Variants in OGDH observed in about 807,000 individuals in gnomAD.
OGDH encodes the protein oxoglutarate dehydrogenase.
A neutral mutation model predicts 116.6 loss-of-function variants in OGDH; 38 were observed. The observed-to-expected ratio is 0.33, with a 90% confidence interval of 0.25 to 0.43. The LOEUF is 0.43. OGDH is among the 20% of genes least tolerant of loss of function. OGDH has a pLI of 1.00. For synonymous variants in OGDH, 488 were observed against 533.3 expected (o/e 0.92, Z 1.17); for missense variants, 825 against 1,357.2 (o/e 0.61, Z 6.16).
intron 4 of OGDH, among the ~76,000 whole-genome samples, chr7:44,658,338 C>A (rs550264479): frequency 2.0e-5 from 3 of 151,824 alleles, no homozygotes; most frequent in Non-Finnish European, 4.4e-5. Context: ...TTACACTTAA[C>A]TATTATTTTC....
chr7:44,693,842 C>T lies in OGDH; in HGVS notation c.1353C>T (p.Asp451=), dbSNP rs1788467604. 1 of 1,598,674 alleles carries T rather than the reference C, an allele frequency of 6.3e-7. No homozygotes were observed. ...CCTTGCAGATCGGCTTCACCACCGA[C>T]CCTCGGATGGCCCGCTCCTCCCCCT... ...VVNNQIGFTT[D]PRMARSSPYP... is the part of the protein sequence containing the mutation. Residue 451 remains aspartate, a synonymous_variant, in exon 11 of 23, where the codon GAC becomes GAT. Transcript: ENST00000222673.
At chr7:44,622,101 ATTG>A (rs1348943711) in intron 1 of OGDH, among the ~76,000 whole-genome samples, 5 of 152,148 alleles carry the variant, frequency 3.3e-5, no homozygotes, top group Admixed American at 3.3e-4. Flanking sequence ...AGGTGATGCT[ATTG>A]TTTTCTGGGA....
intron 9 of OGDH, among the ~76,000 whole-genome samples, chr7:44,681,323 TGAG>T (rs967866954): frequency 1.8e-4 from 27 of 152,164 alleles, no homozygotes; most frequent in African/African-American, 6.3e-4. Flanking sequence ...ACAAGAAGGA[TGAG>T]GAGCTGCTCC....
intron 5 of OGDH, among the ~76,000 whole-genome samples, chr7:44,672,754 T>C (rs931010238): frequency 6.6e-6 from 1 of 151,086 alleles, no homozygotes; most frequent in Non-Finnish European, 1.5e-5. Flanking sequence ...GCGATTCTCC[T>C]GCGTCAGCCT....
chr7:44,681,227 C>T (rs138020412), intron 9 of OGDH, among the ~76,000 whole-genome samples: 1 of 152,350 alleles, frequency 6.6e-6, no homozygotes, highest in East Asian at 1.9e-4. Context: ...TAGCAGACAG[C>T]AGCCTCCCAG....
At chr7:44,641,717 A>G (rs771196707) in intron 2 of OGDH, among the ~76,000 whole-genome samples, 2 of 152,214 alleles carry the variant, frequency 1.3e-5, no homozygotes, top group Non-Finnish European at 2.9e-5. Context: ...TGCTTTCACA[A>G]TGAAGATGGA....
At chr7:44,706,419 T>C (rs1327164463) in intron 20 of OGDH, among the ~76,000 whole-genome samples, 35 of 151,122 alleles carry the variant, frequency 2.3e-4, no homozygotes, top group Non-Finnish European at 4.4e-4. Context: ...CCTCCCGGGT[T>C]CAAGCAATTC....
At chr7:44,609,140 C>G (rs1367962201) in intron 1 of OGDH, among the ~76,000 whole-genome samples, 1 of 152,048 alleles carries the variant, frequency 6.6e-6, no homozygotes, top group African/African-American at 2.4e-5. Context: ...ATTCATAGAG[C>G]CTTTTGGGAT....
chr7:44,640,095 A>G (rs1002287087), intron 2 of OGDH, among the ~76,000 whole-genome samples: 2 of 152,188 alleles, frequency 1.3e-5, no homozygotes, highest in Non-Finnish European at 2.9e-5. Context: ...GCTCAGGACC[A>G]GAGAGCTGAC....
chr7:44,641,064 T>C (rs992691994), intron 2 of OGDH, among the ~76,000 whole-genome samples: 13 of 150,740 alleles, frequency 8.6e-5, no homozygotes, highest in African/African-American at 2.9e-4. Flanking sequence ...CAGCTAATTT[T>C]TGTATTTTTT....
intron 9 of OGDH, among the ~76,000 whole-genome samples, chr7:44,678,535 A>G (rs1787796109): frequency 6.6e-6 from 1 of 152,240 alleles, no homozygotes; most frequent in South Asian, 2.1e-4. Context: ...GAGGCTGGTT[A>G]GTCCCTGATT....
chr7:44,657,548 A>G (rs1347469732), intron 4 of OGDH, among the ~76,000 whole-genome samples: 4 of 152,198 alleles, frequency 2.6e-5, no homozygotes. Flanking sequence ...TCTTTGGCTA[A>G]TAGGATCTTT....
intron 9 of OGDH, among the ~76,000 whole-genome samples, chr7:44,680,047 C>CA (rs146510141): frequency 9.9e-5 from 15 of 152,002 alleles, no homozygotes; most frequent in Non-Finnish European, 1.3e-4. Context: ...CTCGTGTCTA[C>CA]AAAAAAATGC....
intron 4 of OGDH, among the ~76,000 whole-genome samples, chr7:44,650,749 C>T (rs1786402438): frequency 6.6e-6 from 1 of 152,096 alleles, no homozygotes; most frequent in Non-Finnish European, 1.5e-5. Flanking sequence ...GTTTGGGGCC[C>T]AGGAGAACTG....
chr7:44,629,575 C>CTTTTTTTTTTTTTTTTTT (rs1037295168), intron 2 of OGDH, among the ~76,000 whole-genome samples: 1 of 134,434 alleles, frequency 7.4e-6, no homozygotes. Flanking sequence ...TTTTCTTTTT[C>CTTTTTTTTTTTTTTTTTT]TTTTCTTTTT....
In OGDH at chr7:44,619,455, G is replaced by A. The variant is rs563609655; in HGVS notation, c.-27-4862G>A. On this transcript the variant is annotated intron_variant, in intron 1 of 22. Coordinates refer to ENST00000222673, the MANE Select transcript of OGDH (RefSeq NM_002541.4). ...ACATTTAGTCACAGAAATCTTCTGT[G>A]TTGGTTGTTGTGTGAGAGCAGAGGA... Among the ~76,000 whole-genome samples, 19 of 152,346 alleles carry A rather than the reference G, an allele frequency of 1.2e-4. No homozygotes were observed. The East Asian group carries it at 3.7e-3, about 29-fold the overall frequency.
chr7:44,655,008 G>T (rs902761769), intron 4 of OGDH, among the ~76,000 whole-genome samples: 1 of 152,270 alleles, frequency 6.6e-6, no homozygotes, highest in South Asian at 2.1e-4. Flanking sequence ...TCTTTGGTTT[G>T]TGTCTTTTGT....
chr7:44,675,044 G>C, intron 7 of OGDH, 134 bp from the exon 8 acceptor site: 1 of 694,378 alleles, frequency 1.4e-6, no homozygotes. Flanking sequence ...CCAGTTTACA[G>C]CTATCCTTGG....
rs183878572 is a variant in OGDH at position 44,641,939 on chromosome 7, A to T, written c.223-3388A>T. On this transcript the variant is annotated intron_variant, in intron 2 of 22. Transcript: ENST00000222673. ...TTGCCTAGGGAGTTGATGCTGAGAC[A>T]TCCTCTGTTTTCTCTCCTAAGAGTA... Among the ~76,000 whole-genome samples the T allele has an allele frequency of 1.6e-4, 24 of 152,322 alleles. 1 individual carries two copies. The highest frequency in any genetic ancestry group is 5.8e-4 in the African/African-American group (24 of 41,562).
Sources: gnomAD v4.1 joint callset for allele counts (sites outside exome capture counted in the v4.1 genomes callset) on GRCh38, gnomAD v4.1.1 for gene constraint, MANE v1.5 for transcripts, NCBI Gene and HGNC (gene_info 2026-07-23, HGNC 2026-07-21) for gene names.